CSMD3: variants seen among roughly 807,000 people sequenced by gnomAD.
The protein encoded by CSMD3 is CUB and Sushi multiple domains 3.
Under a neutral mutation model 435.2 loss-of-function variants are expected in CSMD3, and 177 were observed. That is an observed-to-expected ratio of 0.41 (90% CI 0.36 to 0.46). The LOEUF is 0.46. Ranked by LOEUF, CSMD3 falls within the 20% of genes least tolerant of loss-of-function variation. The pLI is 0.34. For missense variants in CSMD3, 4,265 were observed against 4,504.6 expected, an observed-to-expected ratio of 0.95 and a Z score of 1.52; for synonymous variants, 1,656 against 1,520.5, an observed-to-expected ratio of 1.09 and a Z score of -2.07.
chr8:113,219,094 A>C (rs2092938473), intron 3 of CSMD3, among the ~76,000 whole-genome samples: 1 of 151,446 alleles, frequency 6.6e-6, no homozygotes, highest in African/African-American at 2.4e-5. Flanking sequence ...TATTGTATAA[A>C]TACATCAATC....
intron 22 of CSMD3, among the ~76,000 whole-genome samples, chr8:112,594,322 C>T (rs908217650): frequency 3.4e-4 from 52 of 152,280 alleles, no homozygotes; most frequent in East Asian, 3.9e-4. Context: ...GCTTAAAAAA[C>T]GGCGCACCAC....
rs978293293 is a variant in CSMD3 at position 113,344,827 on chromosome 8, T to G, written c.179-30034A>C. Reference sequence around the variant, plus strand: ...CAACCACTTAATATTAACAATCTAATGAGCTAGAAAGTGCATGTTAAAATA... The same window carrying G: ...CAACCACTTAATATTAACAATCTAAGGAGCTAGAAAGTGCATGTTAAAATA... On this transcript the variant is annotated intron_variant, in intron 1 of 70. Coordinates refer to ENST00000297405, the MANE Select transcript of CSMD3 (RefSeq NM_198123.2). Among the ~76,000 whole-genome samples, 5 of 152,104 alleles carry G rather than the reference T, an allele frequency of 3.3e-5. No homozygotes were observed. In the East Asian group the frequency reaches 7.7e-4, roughly 23 times the overall value.
At chr8:112,931,227 A>G (rs1020605295) in intron 9 of CSMD3, among the ~76,000 whole-genome samples, 4 of 152,058 alleles carry the variant, frequency 2.6e-5, no homozygotes, top group African/African-American at 9.6e-5. Context: ...TTGTTTTTAA[A>G]TCATTTTCAT....
intron 47 of CSMD3, among the ~76,000 whole-genome samples, chr8:112,315,642 T>C (rs1439821266): frequency 6.6e-6 from 1 of 151,850 alleles, no homozygotes; most frequent in Non-Finnish European, 1.5e-5. Flanking sequence ...TAAAATGTCT[T>C]ACGAACATAA....
chr8:113,352,553 C>T (rs1244785143), intron 1 of CSMD3, among the ~76,000 whole-genome samples: 1 of 152,192 alleles, frequency 6.6e-6, no homozygotes, highest in Non-Finnish European at 1.5e-5. Context: ...CATTTCTGCA[C>T]ACCTGCTAAG....
chr8:112,881,216 ACTG>A (rs1444147252), intron 10 of CSMD3, among the ~76,000 whole-genome samples: 3 of 152,044 alleles, frequency 2.0e-5, no homozygotes, highest in Non-Finnish European at 4.4e-5. Context: ...TCATGAAACA[ACTG>A]CTACAAAATA....
chr8:112,683,911 C>T (rs1243837967), intron 15 of CSMD3, among the ~76,000 whole-genome samples: 2 of 151,424 alleles, frequency 1.3e-5, no homozygotes, highest in Non-Finnish European at 3.0e-5. Flanking sequence ...ATACATATTT[C>T]TAATTATTAT....
At chr8:112,931,157 T>C (rs533017125) in intron 9 of CSMD3, among the ~76,000 whole-genome samples, 1 of 146,822 alleles carries the variant, frequency 6.8e-6, no homozygotes, top group South Asian at 2.1e-4. Context: ...ACTTCATCAT[T>C]TTTTTTATGT....
intron 27 of CSMD3, among the ~76,000 whole-genome samples, chr8:112,548,983 A>C (rs1586659116): frequency 6.6e-6 from 1 of 152,236 alleles, no homozygotes; most frequent in Non-Finnish European, 1.5e-5. Context: ...CAGATTATCT[A>C]CAATAAAAAT....
At chr8:112,932,984 T>C (rs1487909868) in intron 9 of CSMD3, among the ~76,000 whole-genome samples, 1 of 152,086 alleles carries the variant, frequency 6.6e-6, no homozygotes, top group Non-Finnish European at 1.5e-5. Context: ...ATCAATAAAA[T>C]ATATAAAAGT....
intron 1 of CSMD3, among the ~76,000 whole-genome samples, chr8:113,370,750 C>T (rs2094342023): frequency 6.6e-6 from 1 of 151,862 alleles, no homozygotes; most frequent in Admixed American, 6.6e-5. Flanking sequence ...GATATTCTTA[C>T]CCTATTACAC....
intron 46 of CSMD3, 67 bp from the exon 47 acceptor site, chr8:112,319,017 C>A (rs1822739230): frequency 2.2e-6 from 2 of 899,824 alleles, no homozygotes; most frequent in Non-Finnish European, 3.7e-6. Context: ...ACAAATATTT[C>A]AATTGTAGGA....
chr8:113,148,066 T>C (rs1448931204), intron 4 of CSMD3, among the ~76,000 whole-genome samples: 1 of 151,726 alleles, frequency 6.6e-6, no homozygotes, highest in Non-Finnish European at 1.5e-5. Context: ...TACCCATTGC[T>C]CTTAGGATAA....
At chr8:112,612,177 C>T (rs1377704570) in intron 22 of CSMD3, among the ~76,000 whole-genome samples, 1 of 152,036 alleles carries the variant, frequency 6.6e-6, no homozygotes, top group East Asian at 1.9e-4. Context: ...CTTTGATTTT[C>T]CTGAGAAAAA....
chr8:112,554,813 A>C (rs2131214285), intron 25 of CSMD3, among the ~76,000 whole-genome samples: 1 of 152,066 alleles, frequency 6.6e-6, no homozygotes, highest in Admixed American at 6.6e-5. Context: ...TTGTTTCATC[A>C]ATGAATAAGA....
Position 113,221,024 on chromosome 8 carries a change from A to G in CSMD3, c.515-47108T>C, listed in dbSNP as rs888705789. ...AGAAGTATGTTCTTCAGAAATATCA[A>G]TGTCATAAACTAGAAAGCCTATGTA... On this transcript the variant is annotated intron_variant, in intron 3 of 70. Transcript: ENST00000297405. 2.0e-5 allele frequency among the ~76,000 whole-genome samples: 3 copies of G among 151,410 alleles called. No individual in the cohort carries two copies. In the East Asian group the frequency reaches 5.8e-4, roughly 29 times the overall value.
chr8:112,601,136 T>C (rs1563754978), intron 22 of CSMD3, among the ~76,000 whole-genome samples: 1 of 152,228 alleles, frequency 6.6e-6, no homozygotes. Context: ...TTTTATCTAA[T>C]AGATATTTTA....
At chr8:112,988,125 C>T (rs1467423603) in intron 6 of CSMD3, among the ~76,000 whole-genome samples, 1 of 152,018 alleles carries the variant, frequency 6.6e-6, no homozygotes, top group Non-Finnish European at 1.5e-5. Context: ...AAATGGCTTT[C>T]TCCCCATAGT....
At chr8:113,290,287 A>T (rs1293199182) in intron 2 of CSMD3, among the ~76,000 whole-genome samples, 1 of 151,690 alleles carries the variant, frequency 6.6e-6, no homozygotes, top group Non-Finnish European at 1.5e-5. Flanking sequence ...TATGATAGTG[A>T]TGATTAAAGA....
Sources: gnomAD v4.1 joint callset for allele counts (sites outside exome capture counted in the v4.1 genomes callset) on GRCh38, gnomAD v4.1.1 for gene constraint, MANE v1.5 for transcripts, NCBI Gene and HGNC (gene_info 2026-07-23, HGNC 2026-07-21) for gene names.